The following CRB1 variants were observed in gnomAD, a reference collection of about 807,000 sequenced individuals.
The protein encoded by CRB1 is protein crumbs homolog 1.
Under a neutral mutation model 120.0 loss-of-function variants are expected in CRB1, and 83 were observed. That is an observed-to-expected ratio of 0.69 (90% CI 0.58 to 0.83). CRB1 has a LOEUF of 0.83. Among genes scored for constraint, CRB1 ranks in the 40% least tolerant of loss-of-function variants. The pLI is 0.00. For missense variants in CRB1, 1,699 were observed against 1,687.6 expected, an observed-to-expected ratio of 1.01 and a Z score of -0.12; for synonymous variants, 625 against 612.5, an observed-to-expected ratio of 1.02 and a Z score of -0.30.
At chr1:197,275,447 G>A (rs1337387067) in intron 1 of CRB1, among the ~76,000 whole-genome samples, 2 of 152,038 alleles carry the variant, frequency 1.3e-5, no homozygotes, top group African/African-American at 4.8e-5. Context: ...TAGTTGTTAT[G>A]TTTCAAGAGA....
intron 1 of CRB1, among the ~76,000 whole-genome samples, chr1:197,274,226 T>C (rs1278315381): frequency 6.6e-6 from 1 of 152,090 alleles, no homozygotes; most frequent in Non-Finnish European, 1.5e-5. Flanking sequence ...TATACATATA[T>C]AGCGGTATTG....
intron 5 of CRB1, chr1:197,364,015 G>C: frequency 7.2e-7 from 1 of 1,388,390 alleles, no homozygotes; most frequent in East Asian, 2.3e-5. Context: ...CTACAGTATG[G>C]AAATGGCTCA....
intron 5 of CRB1, among the ~76,000 whole-genome samples, chr1:197,405,310 G>A (rs1037562480): frequency 1.3e-5 from 2 of 152,114 alleles, no homozygotes; most frequent in Non-Finnish European, 2.9e-5. Context: ...GCTCCTAACC[G>A]CGAGTGATCC....
intron 11 of CRB1, among the ~76,000 whole-genome samples, chr1:197,445,364 G>T (rs1665653659): frequency 6.6e-6 from 1 of 152,012 alleles, no homozygotes. Flanking sequence ...CCTCCCTTTT[G>T]CAAAATAGGA....
chr1:197,204,825 T>A, the CRB1 span, among the ~76,000 whole-genome samples: 1 of 152,166 alleles, frequency 6.6e-6, no homozygotes, highest in Non-Finnish European at 1.5e-5. Context: ...TGCTTTTGGG[T>A]TCTTGGTCAT....
At chr1:197,384,621 T>C (rs1328123462) in intron 5 of CRB1, among the ~76,000 whole-genome samples, 1 of 152,078 alleles carries the variant, frequency 6.6e-6, no homozygotes, top group Non-Finnish European at 1.5e-5. Context: ...CAGGTCTCTA[T>C]AGCTTCCTGT....
chr1:197,326,062 G>T (rs933955145), intron 1 of CRB1, among the ~76,000 whole-genome samples: 1 of 151,968 alleles, frequency 6.6e-6, no homozygotes. Context: ...TTTTGAAAAA[G>T]ATCAAGGATC....
chr1:197,298,420 T>A (rs1212149387), intron 1 of CRB1, among the ~76,000 whole-genome samples: 1 of 152,020 alleles, frequency 6.6e-6, no homozygotes, highest in Non-Finnish European at 1.5e-5. Flanking sequence ...TTGCAGACGA[T>A]GAAAAAGTGG....
intron 9 of CRB1, among the ~76,000 whole-genome samples, chr1:197,436,181 T>C (rs1558139725): frequency 6.6e-6 from 1 of 152,090 alleles, no homozygotes; most frequent in Non-Finnish European, 1.5e-5. Context: ...AACAATAACA[T>C]AGTCAATTAA....
chr1:197,394,597 ATAAT>A (rs1662680075), intron 5 of CRB1, among the ~76,000 whole-genome samples: 1 of 152,096 alleles, frequency 6.6e-6, no homozygotes, highest in African/African-American at 2.4e-5. Context: ...CACTCAAATT[ATAAT>A]TAATGCAATT....
At chr1:197,214,294 C>G in the CRB1 span, among the ~76,000 whole-genome samples, 1 of 152,092 alleles carries the variant, frequency 6.6e-6, no homozygotes, top group Non-Finnish European at 1.5e-5. Context: ...CGTGAGTCTA[C>G]TTACATGTGG....
chr1:197,242,755 C>T, the CRB1 span, among the ~76,000 whole-genome samples: 1 of 152,144 alleles, frequency 6.6e-6, no homozygotes, highest in Non-Finnish European at 1.5e-5. Flanking sequence ...ATGGTACCAG[C>T]TCCTCTTTGT....
At chr1:197,413,166 C>T (rs903801002) in intron 5 of CRB1, among the ~76,000 whole-genome samples, 26 of 152,114 alleles carry the variant, frequency 1.7e-4, no homozygotes, top group African/African-American at 6.3e-4. Flanking sequence ...CCTCAGGTTC[C>T]CCTTTAAGAA....
At chr1:197,458,359 CT>C (rs201446408) in intron 11 of CRB1, among the ~76,000 whole-genome samples, 8 of 151,354 alleles carry the variant, frequency 5.3e-5, no homozygotes, top group East Asian at 1.9e-4. Flanking sequence ...TAAAGCTTAT[CT>C]TTTTTTTTAC....
intron 1 of CRB1, among the ~76,000 whole-genome samples, chr1:197,298,359 G>A (rs1392617006): frequency 2.0e-5 from 3 of 152,056 alleles, no homozygotes; most frequent in Non-Finnish European, 2.9e-5. Flanking sequence ...CACTGGTACA[G>A]GGAAATTAAA....
intron 5 of CRB1, among the ~76,000 whole-genome samples, chr1:197,379,270 G>A (rs1388905654): frequency 6.6e-6 from 1 of 152,018 alleles, no homozygotes; most frequent in Non-Finnish European, 1.5e-5. Context: ...ATGATTCTTA[G>A]GAGATATTTA....
At position 197,394,404 on chromosome 1, in the gene CRB1, T is replaced by A. The variant is rs1056560575; in HGVS notation, c.1172-26596T>A. On this transcript the variant is annotated intron_variant, in intron 5 of 11. Coordinates refer to ENST00000367400, the MANE Select transcript of CRB1 (RefSeq NM_201253.3). ...CTTCCAGTCAACTGTAGGCTATTAG[T>A]AGTTATGTTTTGGGATAGTTGCAAG... 6.6e-5 allele frequency among the ~76,000 whole-genome samples: 10 copies of A among 152,202 alleles called. No homozygotes were observed. In the East Asian group the frequency reaches 1.2e-3, roughly 18 times the overall value.
the CRB1 span, among the ~76,000 whole-genome samples, chr1:197,256,190 G>A: frequency 3.3e-5 from 5 of 151,000 alleles, no homozygotes; most frequent in East Asian, 2.0e-4. Flanking sequence ...TAGATGACTC[G>A]TTAATCACTC....
intron 5 of CRB1, among the ~76,000 whole-genome samples, chr1:197,374,962 G>T (rs1178666697): frequency 2.0e-5 from 3 of 152,046 alleles, no homozygotes; most frequent in Admixed American, 2.0e-4. Flanking sequence ...ATCCCAATCT[G>T]ATTGATGGGC....
Sources: allele counts gnomAD v4.1 joint callset (sites outside exome capture counted in the v4.1 genomes callset), GRCh38; gene constraint gnomAD v4.1.1; transcripts MANE v1.5; gene names NCBI Gene and HGNC (gene_info 2026-07-23, HGNC 2026-07-21).